P4HA3: variants seen among roughly 807,000 people sequenced by gnomAD.
P4HA3 encodes prolyl 4-hydroxylase subunit alpha 3.
P4HA3 carries 60 observed loss-of-function variants against 66.7 expected under a neutral mutation model. That is an observed-to-expected ratio of 0.90 (90% confidence interval 0.73 to 1.12). P4HA3 has a LOEUF of 1.12. Among genes scored for constraint, P4HA3 ranks in the 50% most tolerant of loss-of-function variants. The pLI is 0.00. For synonymous variants in P4HA3, 263 were observed against 274.6 expected (o/e 0.96, Z 0.42); for missense variants, 683 against 685.8 (o/e 1.00, Z 0.05).
At chr11:74,285,475 A>G (rs117318540) in intron 7 of P4HA3, 128 of 174,080 alleles carry the variant, frequency 7.4e-4, no homozygotes, top group Non-Finnish European at 1.4e-3. Flanking sequence ...TTAAACTTAC[A>G]TACAATGATA....
At position 74,311,548 on chromosome 11, in the gene P4HA3, C is replaced by T; in HGVS notation, c.64G>A (p.Glu22Lys). ...GTGTCGCCCCGAGCCGCAGCCCTTT[C>T]TGGGTCTCCTGTCCCGAGCGCCAGC... The part of the protein sequence containing the change: ...AVLALGTGDP[E>K]RAAARGDTFS... The change falls in exon 1 of 13, where the codon GAA (glutamate) becomes AAA (lysine). Residue 22 changes from glutamate to lysine, a missense_variant. Physicochemically the swap from Glu to Lys is moderately conservative, Grantham distance 56. Transcript: ENST00000331597. 6.4e-7 allele frequency: 1 copy of T among 1,551,126 alleles called. No individual in the cohort carries two copies. The highest frequency in any genetic ancestry group is 8.6e-7 in the Non-Finnish European group (1 of 1,158,434).
intron 12 of P4HA3, 24 bp downstream of exon 12, chr11:74,268,121 C>A (rs1029105359): frequency 6.3e-7 from 1 of 1,598,856 alleles, no homozygotes; most frequent in Non-Finnish European, 8.6e-7. Flanking sequence ...ACCCCCTTCT[C>A]ATGCCCAGAA....
At chr11:74,300,060 T>G (rs1591132291) in intron 3 of P4HA3, among the ~76,000 whole-genome samples, 1 of 152,332 alleles carries the variant, frequency 6.6e-6, no homozygotes, top group East Asian at 1.9e-4. Context: ...GTATAGGGTT[T>G]GAATCTGCAA....
chr11:74,268,976 C>G (rs1415487017), intron 11 of P4HA3, among the ~76,000 whole-genome samples: 1 of 152,186 alleles, frequency 6.6e-6, no homozygotes, highest in Non-Finnish European at 1.5e-5. Flanking sequence ...CTACAAGAGG[C>G]GTCAAGCTCC....
intron 12 of P4HA3, among the ~76,000 whole-genome samples, chr11:74,267,804 GGGGAGCACTAAACA>G (rs1860040337): frequency 6.6e-6 from 1 of 152,146 alleles, no homozygotes; most frequent in South Asian, 2.1e-4. Flanking sequence ...ACCTCCTCAT[GGGGAGCACTAAACA>G]GGAGAGACAA....
intron 10 of P4HA3, among the ~76,000 whole-genome samples, chr11:74,271,600 G>A (rs998843188): frequency 1.3e-5 from 2 of 151,936 alleles, no homozygotes; most frequent in African/African-American, 2.4e-5. Flanking sequence ...GGGCTCAAGC[G>A]ATCTTCTTGC....
Position 74,267,055 on chromosome 11 carries a change from G to T in P4HA3, c.*193C>A. 1 of 1,536,512 alleles carries T rather than the reference G, an allele frequency of 6.5e-7. No individual in the cohort carries two copies. The highest frequency in any genetic ancestry group is 8.7e-7 in the Non-Finnish European group (1 of 1,146,710). ...ATCCTACTCTGACTTCCGTGGCTGG[G>T]GCAGATCAAATGTACATTCTCAGTG... On this transcript the variant is annotated 3_prime_UTR_variant, in exon 13 of 13. Transcript: ENST00000331597.
At chr11:74,304,069 G>C (rs576039024) in intron 2 of P4HA3, among the ~76,000 whole-genome samples, 1 of 152,302 alleles carries the variant, frequency 6.6e-6, no homozygotes, top group South Asian at 2.1e-4. Flanking sequence ...CAATTGATAT[G>C]AAAGTGCTTT....
At chr11:74,286,991 T>C in intron 5 of P4HA3, 1 of 635,194 alleles carries the variant, frequency 1.6e-6, no homozygotes, top group Non-Finnish European at 2.0e-6. Context: ...CTTTCAAATC[T>C]CCTAACTGGC....
intron 11 of P4HA3, among the ~76,000 whole-genome samples, chr11:74,268,823 GTA>G (rs1015851031): frequency 6.6e-6 from 1 of 152,158 alleles, no homozygotes; most frequent in Non-Finnish European, 1.5e-5. Context: ...GCTAAATCCT[GTA>G]TGTTTTTCCC....
chr11:74,301,778 A>G (rs193138301), intron 3 of P4HA3, among the ~76,000 whole-genome samples: 2 of 152,244 alleles, frequency 1.3e-5, no homozygotes, highest in Non-Finnish European at 2.9e-5. Flanking sequence ...CCTGAAGTCT[A>G]TTTCCTCAAG....
chr11:74,307,228 A>G (rs981958469), intron 1 of P4HA3, among the ~76,000 whole-genome samples: 5 of 152,188 alleles, frequency 3.3e-5, no homozygotes, highest in African/African-American at 9.6e-5. Flanking sequence ...TCTTTTCAGC[A>G]TGAACATTCT....
downstream of P4HA3, among the ~76,000 whole-genome samples, chr11:74,265,755 C>T (rs1011730973): frequency 1.3e-5 from 2 of 152,086 alleles, no homozygotes; most frequent in African/African-American, 4.8e-5. Flanking sequence ...TCTGGGGCTA[C>T]CAAGAGGAAT....
chr11:74,251,193 GT>G, intron 15 of P4HA3: 1 of 1,450,444 alleles, frequency 6.9e-7, no homozygotes, highest in Non-Finnish European at 9.1e-7. Context: ...TATGGTATTG[GT>G]TTTGTGTATA....
intron 15 of P4HA3, among the ~76,000 whole-genome samples, chr11:74,256,206 A>G (rs921966733): frequency 6.6e-6 from 1 of 152,184 alleles, no homozygotes; most frequent in African/African-American, 2.4e-5. Context: ...CCTGCATGCT[A>G]CAAGGGACCC....
At chr11:74,304,665 A>T (rs2134826813) in intron 1 of P4HA3, among the ~76,000 whole-genome samples, 1 of 152,320 alleles carries the variant, frequency 6.6e-6, no homozygotes, top group African/African-American at 2.4e-5. Flanking sequence ...TTCAGGCACC[A>T]TGCTAGAGAT....
Position 74,285,795 on chromosome 11 carries a change from C to T in P4HA3, c.1110+14G>A. On this transcript the variant is annotated intron_variant, in intron 7 of 12. Coordinates refer to ENST00000331597, the MANE Select transcript of P4HA3 (RefSeq NM_182904.5). ...ATGAAAGAGAAATTCTTGGCGGGTT[C>T]TCAGGACACTCACCCATGGTTCTGC... The T allele has an allele frequency of 6.2e-7, 1 of 1,611,458 alleles. No homozygotes were observed. The highest frequency in any genetic ancestry group is 8.5e-7 in the Non-Finnish European group (1 of 1,178,576).
At chr11:74,256,800 G>A (rs1480262298) in intron 15 of P4HA3, among the ~76,000 whole-genome samples, 1 of 152,188 alleles carries the variant, frequency 6.6e-6, no homozygotes, top group Non-Finnish European at 1.5e-5. Context: ...GCACATTTTG[G>A]AGGCAGATGT....
intron 7 of P4HA3, among the ~76,000 whole-genome samples, chr11:74,284,102 G>C (rs1860700084): frequency 6.6e-6 from 1 of 152,224 alleles, no homozygotes. Flanking sequence ...CATGTTAAGG[G>C]CACAATGTCT....
Sources: gnomAD v4.1 joint callset for allele counts (sites outside exome capture counted in the v4.1 genomes callset) on GRCh38, gnomAD v4.1.1 for gene constraint, MANE v1.5 for transcripts, NCBI Gene and HGNC (gene_info 2026-07-23, HGNC 2026-07-21) for gene names.